The following USP32 variants were observed in gnomAD, a reference collection of about 807,000 sequenced individuals.
USP32 encodes the protein ubiquitin specific peptidase 32.
A neutral mutation model predicts 204.8 loss-of-function variants in USP32; 59 were observed. The ratio of observed to expected loss-of-function variants is 0.29; its 90% CI spans 0.23 to 0.36. USP32 has a LOEUF of 0.36. USP32 is among the 10% of genes least tolerant of loss of function. The pLI, the probability that USP32 is intolerant of heterozygous loss-of-function variation, is 1.00. For synonymous variants in USP32, 517 were observed against 678.4 expected, an observed-to-expected ratio of 0.76 and a Z score of 3.70; for missense variants, 1,160 against 1,946.4, an observed-to-expected ratio of 0.60 and a Z score of 7.60.
intron 12 of USP32, among the ~76,000 whole-genome samples, chr17:60,234,271 G>A (rs1199194097): frequency 1.3e-5 from 2 of 151,416 alleles, no homozygotes; most frequent in African/African-American, 4.8e-5. Flanking sequence ...CTGCCACCAT[G>A]CCCGGCTAAT....
intron 5 of USP32, among the ~76,000 whole-genome samples, chr17:60,274,898 C>T (rs140478456): frequency 1.6e-3 from 242 of 152,288 alleles, no homozygotes; most frequent in Non-Finnish European, 2.5e-3. Flanking sequence ...CAGATCTTTA[C>T]TCAAATGTCA....
At chr17:60,224,817 T>TAACAA (rs2085342390) in intron 13 of USP32, among the ~76,000 whole-genome samples, 1 of 151,986 alleles carries the variant, frequency 6.6e-6, no homozygotes, top group East Asian at 1.9e-4. Flanking sequence ...TAGGGTAAGA[T>TAACAA]TGAGGGTTCT....
intron 1 of USP32, among the ~76,000 whole-genome samples, chr17:60,362,348 T>C (rs1463319678): frequency 6.6e-6 from 1 of 152,232 alleles, no homozygotes; most frequent in Non-Finnish European, 1.5e-5. Context: ...TTATAAACTT[T>C]AGAGGACAAA....
In USP32 at chr17:60,201,220, A is replaced by G. The variant is rs529399797; in HGVS notation, c.3250-2776T>C. ...GGTTTACGAGATTCATTTATACTCTATATAACTACAAATCCATTCATTTTC... is the reference window on the plus strand; with the variant it reads ...GGTTTACGAGATTCATTTATACTCTGTATAACTACAAATCCATTCATTTTC... On this transcript the variant is annotated intron_variant, in intron 26 of 33. Transcript: ENST00000300896. Among the ~76,000 whole-genome samples the G allele has an allele frequency of 1.4e-4, 21 of 152,302 alleles. No individual in the cohort carries two copies. The East Asian group carries it at 4.0e-3, about 29-fold the overall frequency.
chr17:60,237,833 T>A (rs1055895137), intron 11 of USP32, among the ~76,000 whole-genome samples: 1 of 152,232 alleles, frequency 6.6e-6, no homozygotes, highest in Non-Finnish European at 1.5e-5. Context: ...ATTCATCCAC[T>A]GATGGATGTA....
intron 1 of USP32, among the ~76,000 whole-genome samples, chr17:60,407,924 C>T (rs748811303): frequency 4.6e-5 from 7 of 151,676 alleles, no homozygotes; most frequent in Non-Finnish European, 7.4e-5. Context: ...ATGGTGAAAC[C>T]TCGTCTCTAC....
chr17:60,224,430 T>C (rs991008255), intron 13 of USP32, among the ~76,000 whole-genome samples: 2 of 152,032 alleles, frequency 1.3e-5, no homozygotes, highest in Admixed American at 6.6e-5. Flanking sequence ...GTGAAGAAAA[T>C]GCTAGCTCTG....
chr17:60,240,940 A>G (rs1404528751), intron 11 of USP32, among the ~76,000 whole-genome samples: 9 of 152,168 alleles, frequency 5.9e-5, no homozygotes, highest in Admixed American at 3.9e-4. Context: ...AGTATAACAT[A>G]GCTGAGCATC....
At chr17:60,230,433 G>C (rs1161258392) in intron 12 of USP32, among the ~76,000 whole-genome samples, 1 of 152,126 alleles carries the variant, frequency 6.6e-6, no homozygotes, top group African/African-American at 2.4e-5. Flanking sequence ...AAATTTGCTA[G>C]GCTAAATTTT....
chr17:60,217,772 C>G (rs1357933972), intron 16 of USP32, among the ~76,000 whole-genome samples: 1 of 151,840 alleles, frequency 6.6e-6, no homozygotes, highest in Non-Finnish European at 1.5e-5. Context: ...AGCTCTTGCT[C>G]TGTTACCCAG....
intron 1 of USP32, among the ~76,000 whole-genome samples, chr17:60,372,738 A>T (rs987583576): frequency 6.6e-6 from 1 of 150,940 alleles, no homozygotes; most frequent in African/African-American, 2.4e-5. Context: ...AAGCTACTGA[A>T]GACATTGAGG....
chr17:60,373,443 ATTT>A lies in USP32; in HGVS notation c.58+18436_58+18438del, dbSNP rs138532417. Among the ~76,000 whole-genome samples, 156 of 135,856 alleles carry A rather than the reference ATTT, an allele frequency of 1.1e-3. 1 individual carries two copies. The highest frequency in any genetic ancestry group is 3.8e-3 in the African/African-American group (133 of 34,828). 89.1% of individuals were successfully genotyped at this position (135,856 alleles called of 152,430 possible). On this transcript the variant is annotated intron_variant, in intron 1 of 33. Coordinates refer to ENST00000300896, the MANE Select transcript of USP32 (RefSeq NM_032582.4). ...AATAAATTAATTTTAGCTTACTGTA[ATTT>A]TTTTTTTTTTTTTTTGAGACCAAGT...
chr17:60,224,932 C>A (rs1336429756), intron 13 of USP32, among the ~76,000 whole-genome samples: 4 of 152,102 alleles, frequency 2.6e-5, no homozygotes, highest in Admixed American at 2.0e-4. Flanking sequence ...AGGTAAGTAC[C>A]AAGGCCTAAA....
At chr17:60,329,278 GTT>G (rs538014621) in intron 2 of USP32, among the ~76,000 whole-genome samples, 1 of 147,644 alleles carries the variant, frequency 6.8e-6, no homozygotes. Context: ...GTGTGTGTGT[GTT>G]TTTTTTTTCA....
At chr17:60,203,972 T>C (rs567425461) in intron 26 of USP32, among the ~76,000 whole-genome samples, 51 of 152,338 alleles carry the variant, frequency 3.3e-4, no homozygotes, top group Non-Finnish European at 5.9e-4. Context: ...GCTAAATTCC[T>C]AGTTCAGTGC....
chr17:60,308,550 G>A (rs1031041531), intron 2 of USP32, among the ~76,000 whole-genome samples: 6 of 152,144 alleles, frequency 3.9e-5, no homozygotes, highest in Non-Finnish European at 7.4e-5. Flanking sequence ...TCATCTTCAC[G>A]AAAAAGCACA....
At chr17:60,308,430 T>C (rs2087778931) in intron 2 of USP32, among the ~76,000 whole-genome samples, 1 of 152,062 alleles carries the variant, frequency 6.6e-6, no homozygotes, top group East Asian at 1.9e-4. Flanking sequence ...TCACACACCC[T>C]GTGAGGGGGA....
At chr17:60,254,101 G>A (rs894523871) in intron 10 of USP32, among the ~76,000 whole-genome samples, 6 of 152,182 alleles carry the variant, frequency 3.9e-5, no homozygotes, top group East Asian at 3.9e-4. Context: ...AAACCATTCT[G>A]ACCTTCACAG....
chr17:60,304,362 AT>A (rs546798961), intron 2 of USP32, among the ~76,000 whole-genome samples: 126 of 145,312 alleles, frequency 8.7e-4, no homozygotes, highest in Middle Eastern at 7.0e-3. Flanking sequence ...TTATTTTTTT[AT>A]TTTTTTTTTT....
Sources: gnomAD v4.1 joint callset for allele counts (sites outside exome capture counted in the v4.1 genomes callset) on GRCh38, gnomAD v4.1.1 for gene constraint, MANE v1.5 for transcripts, NCBI Gene and HGNC (gene_info 2026-07-23, HGNC 2026-07-21) for gene names.